The following FBXL7 variants were observed in gnomAD, a reference collection of about 807,000 sequenced individuals.
The protein encoded by FBXL7 is F-box and leucine rich repeat protein 7, also known as F-box/LRR-repeat protein 7.
In FBXL7, 12 loss-of-function variants were observed where a neutral mutation model predicts 38.3. The observed-to-expected ratio is 0.31, with a 90% CI of 0.20 to 0.51. The LOEUF is 0.51. Among genes scored for constraint, FBXL7 ranks in the 20% least tolerant of loss-of-function variants. The pLI is 0.98. For synonymous variants in FBXL7, 297 were observed against 300.9 expected, an observed-to-expected ratio of 0.99 and a Z score of 0.13; for missense variants, 567 against 676.4, an observed-to-expected ratio of 0.84 and a Z score of 1.79.
chr5:15,712,754 T>C (rs1277347929), intron 2 of FBXL7, among the ~76,000 whole-genome samples: 1 of 152,038 alleles, frequency 6.6e-6, no homozygotes, highest in African/African-American at 2.4e-5. Context: ...AAGTCTAATA[T>C]TGAGGGTGGC....
chr5:15,888,196 C>CTTTATTTA (rs3034529), intron 2 of FBXL7, among the ~76,000 whole-genome samples: 2,217 of 145,382 alleles, frequency 0.015, 30 homozygotes, highest in African/African-American at 0.03. Context: ...GTAAACACCA[C>CTTTATTTA]TTTATTTATT....
At position 15,774,482 on chromosome 5, in the gene FBXL7, T is replaced by C. The variant is rs1184497898; in HGVS notation, c.128-153408T>C. ...TTAGATTGTACTGCCTCCCTATGAG[T>C]TTCTGTTTTCCTGGCTATGGCCTTG... On this transcript the variant is annotated intron_variant, in intron 2 of 3. Coordinates refer to ENST00000504595, the MANE Select transcript of FBXL7 (RefSeq NM_012304.5). 2.6e-5 allele frequency among the ~76,000 whole-genome samples: 4 copies of C among 152,270 alleles called. No individual in the cohort carries two copies. The East Asian group carries it at 7.7e-4, about 29-fold the overall frequency.
At chr5:15,553,060 G>C (rs1418592103) in intron 1 of FBXL7, among the ~76,000 whole-genome samples, 2 of 144,614 alleles carry the variant, frequency 1.4e-5, no homozygotes, top group Admixed American at 7.1e-5. Flanking sequence ...CCAGCCTGGC[G>C]ACAGAGTAAG....
intron 2 of FBXL7, among the ~76,000 whole-genome samples, chr5:15,638,383 G>C (rs146798570): frequency 6.6e-6 from 1 of 152,224 alleles, no homozygotes; most frequent in African/African-American, 2.4e-5. Context: ...AGGCTATTCA[G>C]TGTGGGATCT....
At chr5:15,911,697 GT>G (rs1364870175) in intron 2 of FBXL7, among the ~76,000 whole-genome samples, 1 of 94,202 alleles carries the variant, frequency 1.1e-5, no homozygotes, top group Non-Finnish European at 1.9e-5. Flanking sequence ...GAACAGATGG[GT>G]TTTCGGTGTA....
intron 2 of FBXL7, among the ~76,000 whole-genome samples, chr5:15,808,082 G>T (rs1424426648): frequency 1.3e-5 from 2 of 152,104 alleles, no homozygotes; most frequent in African/African-American, 4.8e-5. Context: ...GCAGCAGGGG[G>T]CACATCTGTG....
chr5:15,617,959 C>T lies in FBXL7; in HGVS notation c.127+1887C>T, dbSNP rs565896557. On this transcript the variant is annotated intron_variant, in intron 2 of 3. Transcript: ENST00000504595. ...TAAATAATCTGTTTTTTTAAGCTTT[C>T]TTATTTTTTCTCCTTTTCAAAAATA... Among the ~76,000 whole-genome samples the T allele has an allele frequency of 3.4e-4, 52 of 152,152 alleles. No homozygotes were observed. In the East Asian group the frequency reaches 3.5e-3, roughly 10 times the overall value.
chr5:15,706,994 AGT>A (rs1269770703), intron 2 of FBXL7, among the ~76,000 whole-genome samples: 5 of 152,104 alleles, frequency 3.3e-5, no homozygotes, highest in Non-Finnish European at 1.5e-5. Context: ...GATGGACAGC[AGT>A]GGAGAGTCAG....
At chr5:15,722,921 C>CA (rs752341974) in intron 2 of FBXL7, among the ~76,000 whole-genome samples, 10 of 60,678 alleles carry the variant, frequency 1.6e-4, no homozygotes, top group Middle Eastern at 0.011. Context: ...GACTCCGTCT[C>CA]AAAAAAAACA....
At chr5:15,850,530 G>A (rs1739063437) in intron 2 of FBXL7, among the ~76,000 whole-genome samples, 1 of 152,178 alleles carries the variant, frequency 6.6e-6, no homozygotes, top group Admixed American at 6.5e-5. Flanking sequence ...GACAAAGGTA[G>A]AAGGGCCTTT....
At chr5:15,639,542 C>T (rs1168433228) in intron 2 of FBXL7, among the ~76,000 whole-genome samples, 1 of 151,964 alleles carries the variant, frequency 6.6e-6, no homozygotes, top group Non-Finnish European at 1.5e-5. Flanking sequence ...GAGGCCTCCC[C>T]AGCCACGTGG....
intron 2 of FBXL7, among the ~76,000 whole-genome samples, chr5:15,771,677 T>C (rs1346309196): frequency 6.6e-6 from 1 of 152,048 alleles, no homozygotes; most frequent in East Asian, 1.9e-4. Flanking sequence ...GACATAGTAC[T>C]ATTCAAAAAT....
chr5:15,849,745 A>G (rs1452193295), intron 2 of FBXL7, among the ~76,000 whole-genome samples: 2 of 152,206 alleles, frequency 1.3e-5, no homozygotes, highest in Non-Finnish European at 2.9e-5. Flanking sequence ...GCAAATTTTC[A>G]TGTTTGTTTT....
At chr5:15,926,533 A>T (rs898105742) in intron 2 of FBXL7, among the ~76,000 whole-genome samples, 6 of 151,498 alleles carry the variant, frequency 4.0e-5, no homozygotes, top group Admixed American at 2.6e-4. Flanking sequence ...AATTGTATTT[A>T]GAGAGAAAGA....
At chr5:15,605,678 G>C (rs934252771) in intron 1 of FBXL7, among the ~76,000 whole-genome samples, 3 of 152,110 alleles carry the variant, frequency 2.0e-5, no homozygotes, top group African/African-American at 4.8e-5. Flanking sequence ...CACGCATTAT[G>C]AATGTAATTA....
At chr5:15,882,433 TG>T (rs1210467665) in intron 2 of FBXL7, among the ~76,000 whole-genome samples, 1 of 152,080 alleles carries the variant, frequency 6.6e-6, no homozygotes, top group Non-Finnish European at 1.5e-5. Flanking sequence ...TAGTCCAGGT[TG>T]GTGTTGGGGT....
chr5:15,723,657 T>A (rs1362787989), intron 2 of FBXL7, among the ~76,000 whole-genome samples: 1 of 152,202 alleles, frequency 6.6e-6, no homozygotes, highest in Non-Finnish European at 1.5e-5. Context: ...GTAACATAAT[T>A]GGAGAATGAT....
intron 2 of FBXL7, among the ~76,000 whole-genome samples, chr5:15,798,538 G>C (rs1737475062): frequency 6.6e-6 from 1 of 152,170 alleles, no homozygotes; most frequent in Non-Finnish European, 1.5e-5. Context: ...GCATGTAAAA[G>C]AAGTCTGTAG....
At chr5:15,541,160 C>T (rs1737730340) in intron 1 of FBXL7, among the ~76,000 whole-genome samples, 1 of 151,322 alleles carries the variant, frequency 6.6e-6, no homozygotes, top group Non-Finnish European at 1.5e-5. Flanking sequence ...ATAATGACGC[C>T]TCACTCCCAA....
Sources: gnomAD v4.1 joint callset for allele counts (sites outside exome capture counted in the v4.1 genomes callset) on GRCh38, gnomAD v4.1.1 for gene constraint, MANE v1.5 for transcripts, NCBI Gene and HGNC (gene_info 2026-07-23, HGNC 2026-07-21) for gene names.